The following ERC2 variants were observed in gnomAD, a reference collection of about 807,000 sequenced individuals.
The protein encoded by ERC2 is ELKS/RAB6-interacting/CAST family member 2.
In ERC2, 42 loss-of-function variants were observed where a neutral mutation model predicts 114.8. The observed-to-expected ratio is 0.37, with a 90% CI of 0.29 to 0.47. The LOEUF (loss-of-function observed/expected upper bound fraction) is 0.47, where lower values mean the gene tolerates loss of function less well. ERC2 is among the 20% of genes least tolerant of loss of function. The pLI is 0.99. For missense variants in ERC2, 939 were observed against 1,150.7 expected (o/e 0.82, Z 2.66); for synonymous variants, 454 against 425.5 (o/e 1.07, Z -0.82).
intron 13 of ERC2, among the ~76,000 whole-genome samples, chr3:55,941,728 C>A (rs1016455394): frequency 2.6e-5 from 4 of 152,184 alleles, no homozygotes; most frequent in African/African-American, 9.7e-5. Flanking sequence ...TCCTGACTCT[C>A]TTTATGGGTG....
intron 3 of ERC2, among the ~76,000 whole-genome samples, chr3:56,224,429 G>T (rs1291265194): frequency 9.2e-5 from 14 of 152,136 alleles, no homozygotes; most frequent in East Asian, 3.9e-4. Flanking sequence ...AGTGGCAGGG[G>T]TGAGGGGTTT....
chr3:55,845,775 A>G (rs1319667782), intron 14 of ERC2, among the ~76,000 whole-genome samples: 1 of 152,278 alleles, frequency 6.6e-6, no homozygotes, highest in Non-Finnish European at 1.5e-5. Context: ...CTGTAAAGGC[A>G]AGACAATAAC....
intron 3 of ERC2, among the ~76,000 whole-genome samples, chr3:56,252,954 C>T (rs1279292236): frequency 6.6e-6 from 1 of 152,110 alleles, no homozygotes; most frequent in African/African-American, 2.4e-5. Flanking sequence ...TGCTTATGGG[C>T]ACCCCAGGGA....
At chr3:55,614,408 A>G (rs766936882) in intron 17 of ERC2, among the ~76,000 whole-genome samples, 16 of 152,142 alleles carry the variant, frequency 1.1e-4, no homozygotes, top group Non-Finnish European at 2.4e-4. Context: ...GGAGAGAAAG[A>G]CATCCCAGCC....
At chr3:55,676,462 A>ATTATTG (rs2061819033) in intron 17 of ERC2, among the ~76,000 whole-genome samples, 2 of 148,988 alleles carry the variant, frequency 1.3e-5, no homozygotes, top group African/African-American at 4.9e-5. Context: ...TATTATTATT[A>ATTATTG]TTATTATTAT....
chr3:55,888,315 T>C, intron 14 of ERC2, 74 bp downstream of exon 14: 1 of 1,552,060 alleles, frequency 6.4e-7, no homozygotes, highest in Non-Finnish European at 8.8e-7. Context: ...CTTCATCTTC[T>C]CTAGCCCTTC....
Position 55,895,617 on chromosome 3 carries a change from C to A in ERC2, c.2404-7068G>T, listed in dbSNP as rs556028048. Reference sequence around the variant, plus strand: ...TGCTATAATACAACTGGACTGTAATCCCTGGAGGGCAGAGACTGTGTCTCC... The same window carrying A: ...TGCTATAATACAACTGGACTGTAATACCTGGAGGGCAGAGACTGTGTCTCC... On this transcript the variant is annotated intron_variant, in intron 13 of 17. Coordinates refer to ENST00000288221, the MANE Select transcript of ERC2 (RefSeq NM_015576.3). Among the ~76,000 whole-genome samples the A allele has an allele frequency of 4.6e-5, 7 of 152,282 alleles. No individual in the cohort carries two copies. The South Asian group carries it at 1.2e-3, about 27-fold the overall frequency.
At chr3:56,208,445 T>C (rs1460852406) in intron 3 of ERC2, among the ~76,000 whole-genome samples, 4 of 152,240 alleles carry the variant, frequency 2.6e-5, no homozygotes, top group African/African-American at 4.8e-5. Context: ...GAATTTAGGA[T>C]ACCTGCTTGT....
At chr3:55,767,408 G>C (rs2067879366) in intron 14 of ERC2, among the ~76,000 whole-genome samples, 1 of 152,142 alleles carries the variant, frequency 6.6e-6, no homozygotes, top group Non-Finnish European at 1.5e-5. Flanking sequence ...GTTTCCACTG[G>C]CCGTCTTAAC....
chr3:55,951,576 T>C (rs2067512894), intron 12 of ERC2, among the ~76,000 whole-genome samples: 1 of 152,134 alleles, frequency 6.6e-6, no homozygotes, highest in Non-Finnish European at 1.5e-5. Flanking sequence ...TAGGCAACCA[T>C]GTCCACAGCA....
chr3:55,789,629 G>A (rs1356049657), intron 14 of ERC2, among the ~76,000 whole-genome samples: 1 of 152,208 alleles, frequency 6.6e-6, no homozygotes, highest in African/African-American at 2.4e-5. Flanking sequence ...GGCATTTTGT[G>A]GGGTTATGTC....
At chr3:56,043,225 A>C (rs2075287190) in intron 7 of ERC2, among the ~76,000 whole-genome samples, 1 of 152,200 alleles carries the variant, frequency 6.6e-6, no homozygotes, top group Non-Finnish European at 1.5e-5. Flanking sequence ...CAAATTTAGT[A>C]TGTAAAATAT....
chr3:56,333,698 ATT>A (rs5849148), intron 2 of ERC2, among the ~76,000 whole-genome samples: 5 of 150,284 alleles, frequency 3.3e-5, no homozygotes, highest in Non-Finnish European at 5.9e-5. Context: ...CCAAATGAAC[ATT>A]TTTTTTTTCA....
chr3:56,032,921 A>G lies in ERC2; in HGVS notation c.1642-13890T>C, dbSNP rs1477220583. 1.7e-3 allele frequency among the ~76,000 whole-genome samples: 136 copies of G among 80,752 alleles called. 1 individual carries two copies. Among genetic ancestry groups the G allele is most frequent in the East Asian group, 3.2e-3 (9 of 2,798 alleles). The allele number at this position is 80,752 out of a possible 152,430, so 53.0% of individuals were successfully genotyped here. On this transcript the variant is annotated intron_variant, in intron 7 of 17. Transcript: ENST00000288221. ...AGAGACAGAAAGAAAGAAAGAAAGA[A>G]AGAAAGAAAGAAAGAAAGAAAGAAA...
intron 17 of ERC2, among the ~76,000 whole-genome samples, chr3:55,650,126 T>C (rs1437502295): frequency 6.6e-6 from 1 of 152,202 alleles, no homozygotes; most frequent in East Asian, 1.9e-4. Flanking sequence ...AGAGAAAGGC[T>C]TGTCAGAATT....
intron 2 of ERC2, among the ~76,000 whole-genome samples, chr3:56,415,074 G>A (rs1274299481): frequency 6.6e-6 from 1 of 152,158 alleles, no homozygotes; most frequent in Non-Finnish European, 1.5e-5. Context: ...AAGTCCTCCA[G>A]TTTTCAATCT....
At chr3:55,552,503 T>C (rs933046509) in intron 17 of ERC2, among the ~76,000 whole-genome samples, 1 of 152,262 alleles carries the variant, frequency 6.6e-6, no homozygotes, top group Admixed American at 6.5e-5. Flanking sequence ...TCTACCATGT[T>C]TACAAGCTGC....
intron 14 of ERC2, among the ~76,000 whole-genome samples, chr3:55,883,927 A>ACAC (rs1553717308): frequency 1.3e-3 from 188 of 144,748 alleles, no homozygotes; most frequent in Middle Eastern, 7.0e-3. Flanking sequence ...AACAACAACA[A>ACAC]CACCACAAAA....
chr3:56,085,805 T>C (rs2077470736), intron 6 of ERC2, among the ~76,000 whole-genome samples: 2 of 152,176 alleles, frequency 1.3e-5, no homozygotes, highest in Admixed American at 6.5e-5. Flanking sequence ...TACAATCAAT[T>C]GTAGATATTT....
Sources: gnomAD v4.1 joint callset for allele counts (sites outside exome capture counted in the v4.1 genomes callset) on GRCh38, gnomAD v4.1.1 for gene constraint, MANE v1.5 for transcripts, NCBI Gene and HGNC (gene_info 2026-07-23, HGNC 2026-07-21) for gene names.